ADGRL4: variants seen among roughly 807,000 people sequenced by gnomAD.
ADGRL4 encodes the protein adhesion G protein-coupled receptor L4, also known as EGF, latrophilin and seven transmembrane domain containing 1.
A neutral mutation model predicts 74.8 loss-of-function variants in ADGRL4; 90 were observed. The observed-to-expected ratio is 1.20, with a 90% CI of 1.02 to 1.43. The LOEUF (loss-of-function observed/expected upper bound fraction) is 1.43. Among genes scored for constraint, ADGRL4 ranks in the 40% most tolerant of loss-of-function variants. ADGRL4 has a pLI of 0.00. For synonymous variants in ADGRL4, 311 were observed against 279.2 expected (o/e 1.11, Z -1.14); for missense variants, 881 against 814.3 (o/e 1.08, Z -1.00).
intron 12 of ADGRL4, among the ~76,000 whole-genome samples, chr1:78,916,889 T>G (rs1280203408): frequency 6.6e-6 from 1 of 151,882 alleles, no homozygotes; most frequent in African/African-American, 2.4e-5. Context: ...GAAAGACTGT[T>G]GAAAACTTTC....
intron 12 of ADGRL4, among the ~76,000 whole-genome samples, chr1:78,911,629 AC>A (rs1648765246): frequency 6.6e-6 from 1 of 151,656 alleles, no homozygotes; most frequent in South Asian, 2.1e-4. Context: ...ACACACACAC[AC>A]ACACACACAC....
chr1:79,003,148 C>G (rs1340794086), intron 2 of ADGRL4, among the ~76,000 whole-genome samples: 1 of 151,958 alleles, frequency 6.6e-6, no homozygotes, highest in Non-Finnish European at 1.5e-5. Flanking sequence ...TGAGGAATCT[C>G]TTTAGAGACG....
intron 3 of ADGRL4, among the ~76,000 whole-genome samples, chr1:78,945,631 T>A (rs542371533): frequency 6.4e-4 from 98 of 152,242 alleles, no homozygotes; most frequent in African/African-American, 2.1e-3. Context: ...AGGATATTTT[T>A]AAAAATTGTC....
Position 78,945,175 on chromosome 1 carries a change from A to ATAT in ADGRL4, c.325+1098_325+1099insATA, listed in dbSNP as rs1553136478. On this transcript the variant is annotated intron_variant, in intron 3 of 14. Transcript: ENST00000370742. ...GCGAGACTCTGTCTCAAAAAAAAAA[A>ATAT]AAATATATATATATATATATATCTC... is the stretch of plus-strand genomic sequence containing the variant. Among the ~76,000 whole-genome samples, 163 of 108,998 alleles carry ATAT rather than the reference A, an allele frequency of 1.5e-3. 1 individual carries two copies. Among genetic ancestry groups the ATAT allele is most frequent in the East Asian group, 0.013 (36 of 2,868 alleles). The allele number at this position is 108,998 out of a possible 152,430, so 71.5% of individuals were successfully genotyped here.
chr1:78,939,642 A>T (rs1055223066), intron 3 of ADGRL4: 2 of 153,090 alleles, frequency 1.3e-5, no homozygotes, highest in Non-Finnish European at 2.9e-5. Context: ...TTAATAATGT[A>T]ATTTACATTG....
chr1:78,925,627 T>A (rs944196324), intron 8 of ADGRL4, among the ~76,000 whole-genome samples: 4 of 152,058 alleles, frequency 2.6e-5, no homozygotes, highest in Admixed American at 6.6e-5. Flanking sequence ...AGGTATATTG[T>A]CAGAGGAGAG....
chr1:78,906,887 T>C lies in ADGRL4; in HGVS notation c.1749+10747A>G, dbSNP rs1648653338. Among the ~76,000 whole-genome samples, 4 of 152,072 alleles carry C rather than the reference T, an allele frequency of 2.6e-5. No individual in the cohort carries two copies. In the South Asian group the frequency reaches 8.3e-4, roughly 32 times the overall value. ...AGGTAAAAATAGAAGAGATATAAGA[T>C]TTTCCCCCAAATTATTAAGAATTGT... On this transcript the variant is annotated intron_variant, in intron 12 of 14. Coordinates refer to ENST00000370742, the MANE Select transcript of ADGRL4 (RefSeq NM_022159.4).
chr1:78,987,544 T>C (rs1416452327), intron 2 of ADGRL4, among the ~76,000 whole-genome samples: 1 of 151,800 alleles, frequency 6.6e-6, no homozygotes, highest in Non-Finnish European at 1.5e-5. Context: ...CTCAATCCAC[T>C]GTACTGAGAA....
At chr1:78,964,642 T>A (rs953013797) in intron 2 of ADGRL4, among the ~76,000 whole-genome samples, 2 of 152,138 alleles carry the variant, frequency 1.3e-5, no homozygotes, top group Non-Finnish European at 2.9e-5. Flanking sequence ...TCATCAATCA[T>A]AGTAAAACTG....
At chr1:78,997,838 A>T (rs1012367026) in intron 2 of ADGRL4, among the ~76,000 whole-genome samples, 1 of 152,134 alleles carries the variant, frequency 6.6e-6, no homozygotes, top group Non-Finnish European at 1.5e-5. Flanking sequence ...AGTAAAAGAG[A>T]TTTCAGAGTT....
intron 2 of ADGRL4, among the ~76,000 whole-genome samples, chr1:78,999,701 A>G (rs754929362): frequency 4.6e-5 from 7 of 152,196 alleles, no homozygotes; most frequent in Non-Finnish European, 1.5e-5. Flanking sequence ...TACAAAATGA[A>G]CACAAGCTCT....
At chr1:78,913,223 G>A (rs963360169) in intron 12 of ADGRL4, among the ~76,000 whole-genome samples, 1 of 151,954 alleles carries the variant, frequency 6.6e-6, no homozygotes, top group African/African-American at 2.4e-5. Context: ...GTGGAAGACA[G>A]GGTGGTGATT....
At chr1:78,932,711 A>T (rs1649269668) in intron 7 of ADGRL4, among the ~76,000 whole-genome samples, 1 of 151,258 alleles carries the variant, frequency 6.6e-6, no homozygotes, top group Admixed American at 6.6e-5. Flanking sequence ...GAGAAGAATC[A>T]AATAGGCACA....
intron 2 of ADGRL4, among the ~76,000 whole-genome samples, chr1:78,977,538 A>G (rs188732918): frequency 6.6e-6 from 1 of 152,090 alleles, no homozygotes; most frequent in East Asian, 1.9e-4. Context: ...AAAGAAAAAC[A>G]AAGTAGAATT....
Position 79,005,189 on chromosome 1 carries a change from T to C in ADGRL4, c.53A>G (p.Tyr18Cys), listed in dbSNP as rs1650933472. The C allele has an allele frequency of 2.5e-6, 4 of 1,612,434 alleles. No homozygotes were observed. Among genetic ancestry groups the C allele is most frequent in the Admixed American group, 1.7e-5 (1 of 59,720 alleles). The change falls in exon 2 of 15, where the codon TAT (tyrosine) becomes TGT (cysteine). Residue 18 changes from tyrosine (Y) to cysteine (C), a missense_variant. Coordinates refer to ENST00000370742, the MANE Select transcript of ADGRL4 (RefSeq NM_022159.4). ...VVFSTLLNCSYTQNCTKTPCL... is the reference protein window; with the variant it reads ...VVFSTLLNCSCTQNCTKTPCL... ...AGGTGTCTTGGTGCAATTTTGAGTATAGGAACAATTCAACAAAGTGGAAAA... is the reference window on the plus strand; with the variant it reads ...AGGTGTCTTGGTGCAATTTTGAGTACAGGAACAATTCAACAAAGTGGAAAA...
At chr1:78,934,501 T>G (rs1649313151) in intron 7 of ADGRL4, among the ~76,000 whole-genome samples, 1 of 152,022 alleles carries the variant, frequency 6.6e-6, no homozygotes, top group Admixed American at 6.6e-5. Context: ...GGACAAAAAC[T>G]TCATGACAAA....
intron 2 of ADGRL4, among the ~76,000 whole-genome samples, chr1:78,959,967 A>C (rs1215699854): frequency 6.6e-6 from 1 of 152,196 alleles, no homozygotes; most frequent in Non-Finnish European, 1.5e-5. Context: ...AATGCCCAAC[A>C]CAAATATTTT....
chr1:78,962,330 G>A (rs1226436138), intron 2 of ADGRL4, among the ~76,000 whole-genome samples: 5 of 152,022 alleles, frequency 3.3e-5, no homozygotes, highest in Non-Finnish European at 1.5e-5. Flanking sequence ...CTCCACATAT[G>A]ATTTCTCTCT....
chr1:78,942,456 C>G (rs532459183), intron 3 of ADGRL4, among the ~76,000 whole-genome samples: 265 of 152,194 alleles, frequency 1.7e-3, no homozygotes, highest in African/African-American at 5.7e-3. Flanking sequence ...AAAAAGAAAC[C>G]TCTTTCCTAT....
Sources: gnomAD v4.1 joint callset for allele counts (sites outside exome capture counted in the v4.1 genomes callset) on GRCh38, gnomAD v4.1.1 for gene constraint, MANE v1.5 for transcripts, NCBI Gene and HGNC (gene_info 2026-07-23, HGNC 2026-07-21) for gene names.